CSE1L: variants seen among roughly 807,000 people sequenced by gnomAD.
CSE1L encodes the protein exportin-2.
Under a neutral mutation model 120.4 loss-of-function variants are expected in CSE1L, and 24 were observed. The observed-to-expected ratio is 0.20, with a 90% CI of 0.14 to 0.28. CSE1L has a LOEUF of 0.28. CSE1L is among the 10% of genes least tolerant of loss of function. CSE1L has a pLI of 1.00. For synonymous variants in CSE1L, 402 were observed against 398.3 expected (o/e 1.01, Z -0.11); for missense variants, 830 against 1,145.2 (o/e 0.72, Z 3.97).
rs3091564 is a variant in CSE1L at position 49,056,693 on chromosome 20, G to GTTTT, written c.-11-1757_-11-1754dup. On this transcript the variant is annotated intron_variant, in intron 1 of 24. Coordinates refer to ENST00000262982, the MANE Select transcript of CSE1L (RefSeq NM_001316.4). ...CTCTGTGTATGTGCTGTTTCTGTGT[G>GTTTT]TTTTTTCATTTTCCTTTTAATTGAG... is the stretch of plus-strand genomic sequence containing the variant. Among the ~76,000 whole-genome samples, 122 of 151,430 alleles carry GTTTT rather than the reference G, an allele frequency of 8.1e-4. 1 individual carries two copies. Among genetic ancestry groups the GTTTT allele is most frequent in the East Asian group, 3.9e-3 (20 of 5,132 alleles).
chr20:49,095,201 C>T (rs1364247775), intron 24 of CSE1L: 2 of 637,542 alleles, frequency 3.1e-6, no homozygotes, highest in Non-Finnish European at 5.6e-6. Context: ...AGGAAAAATC[C>T]CTTCAATAGA....
intron 5 of CSE1L, 126 bp from the exon 6 acceptor site, chr20:49,067,064 C>T (rs902519192): frequency 3.8e-5 from 14 of 364,024 alleles, no homozygotes; most frequent in Non-Finnish European, 5.1e-6. Flanking sequence ...AAAGAATTCC[C>T]TTTGAATTTC....
intron 5 of CSE1L, among the ~76,000 whole-genome samples, chr20:49,066,892 C>T (rs2091896406): frequency 6.6e-6 from 1 of 151,824 alleles, no homozygotes; most frequent in African/African-American, 2.4e-5. Context: ...ACTAGCCAGG[C>T]ATGGTGGTAT....
At chr20:49,095,388 G>A (rs986311440) in intron 24 of CSE1L, among the ~76,000 whole-genome samples, 3 of 151,918 alleles carry the variant, frequency 2.0e-5, no homozygotes, top group Non-Finnish European at 2.9e-5. Context: ...GCAGTAGTAC[G>A]ATTATGGCTC....
intron 24 of CSE1L, 98 bp from the exon 25 acceptor site, chr20:49,096,251 C>G (rs1227559070): frequency 1.9e-4 from 183 of 945,756 alleles, no homozygotes; most frequent in Non-Finnish European, 1.7e-6. Flanking sequence ...TGACTGGCTG[C>G]TCTTCCCAGA....
At chr20:49,050,780 A>AACGGTCCTTGG (rs2091761371) in intron 1 of CSE1L, among the ~76,000 whole-genome samples, 1 of 151,768 alleles carries the variant, frequency 6.6e-6, no homozygotes, top group Non-Finnish European at 1.5e-5. Flanking sequence ...TCTGGTCTTG[A>AACGGTCCTTGG]ACGGTCCTTG....
intron 24 of CSE1L, chr20:49,095,222 G>A: frequency 1.8e-6 from 1 of 560,798 alleles, no homozygotes. Context: ...AATGTAATAA[G>A]GCTGTATAGT....
intron 3 of CSE1L, among the ~76,000 whole-genome samples, chr20:49,064,193 G>A (rs2091873134): frequency 6.6e-6 from 1 of 152,208 alleles, no homozygotes; most frequent in Admixed American, 6.5e-5. Context: ...GATTGAGAAA[G>A]CCTGGCTCAT....
intron 14 of CSE1L, among the ~76,000 whole-genome samples, chr20:49,080,257 T>G (rs1266673015): frequency 1.3e-5 from 2 of 151,534 alleles, no homozygotes; most frequent in Non-Finnish European, 2.9e-5. Flanking sequence ...TTTTGTTTTT[T>G]TTTATTTTTT....
intron 10 of CSE1L, 85 bp downstream of exon 10, chr20:49,072,782 C>CT: frequency 8.1e-7 from 1 of 1,242,176 alleles, no homozygotes; most frequent in Non-Finnish European, 1.1e-6. Context: ...TCATTTATTA[C>CT]TGGATAAAAC....
At chr20:49,068,043 T>C (rs1172818468) in intron 6 of CSE1L, among the ~76,000 whole-genome samples, 1 of 147,578 alleles carries the variant, frequency 6.8e-6, no homozygotes, top group African/African-American at 2.5e-5. Context: ...CCTGTGCCAC[T>C]GGGCCTGGCC....
intron 10 of CSE1L, among the ~76,000 whole-genome samples, chr20:49,073,751 G>T (rs1455528257): frequency 6.6e-6 from 1 of 152,118 alleles, no homozygotes; most frequent in East Asian, 1.9e-4. Context: ...CTCTCAAAGT[G>T]CTGGGATTAC....
chr20:49,082,812 T>C (rs967033630), intron 14 of CSE1L, among the ~76,000 whole-genome samples: 2 of 151,576 alleles, frequency 1.3e-5, no homozygotes, highest in Non-Finnish European at 2.9e-5. Context: ...TGAGCCACCG[T>C]GCCTGGCCTT....
chr20:49,085,596 G>T (rs955293133), intron 16 of CSE1L, among the ~76,000 whole-genome samples: 3 of 59,956 alleles, frequency 5.0e-5, no homozygotes, highest in Non-Finnish European at 1.0e-4. Context: ...TTTTGAGATG[G>T]AGCCTTGCTC....
chr20:49,096,139 C>T (rs1568791543), intron 24 of CSE1L: 3 of 696,176 alleles, frequency 4.3e-6, no homozygotes, highest in Non-Finnish European at 7.9e-6. Context: ...CACTATCACA[C>T]CTAATAATAG....
chr20:49,055,775 T>C, intron 1 of CSE1L, among the ~76,000 whole-genome samples: 1 of 152,294 alleles, frequency 6.6e-6, no homozygotes, highest in East Asian at 1.9e-4. Context: ...GATATGTGAT[T>C]GTAAGATTAG....
At chr20:49,067,110 A>G (rs544935777) in intron 5 of CSE1L, 80 bp from the exon 6 acceptor site, 2 of 710,340 alleles carry the variant, frequency 2.8e-6, no homozygotes, top group Non-Finnish European at 4.7e-6. Context: ...TAGATGTCCA[A>G]TCAGCATCTC....
At chr20:49,065,651 C>T (rs1487498929) in intron 3 of CSE1L, among the ~76,000 whole-genome samples, 3 of 127,128 alleles carry the variant, frequency 2.4e-5, no homozygotes, top group Admixed American at 2.0e-4. Context: ...TGGAGTGCAG[C>T]GGCACCATCT....
At chr20:49,076,213 G>C (rs1006241263) in intron 12 of CSE1L, among the ~76,000 whole-genome samples, 5 of 152,010 alleles carry the variant, frequency 3.3e-5, no homozygotes, top group African/African-American at 1.2e-4. Flanking sequence ...TTGAGACGGA[G>C]TTTCGCTCTT....
Sources: gnomAD v4.1 joint callset for allele counts (sites outside exome capture counted in the v4.1 genomes callset) on GRCh38, gnomAD v4.1.1 for gene constraint, MANE v1.5 for transcripts, NCBI Gene and HGNC (gene_info 2026-07-23, HGNC 2026-07-21) for gene names.